HIP1: variants seen among roughly 807,000 people sequenced by gnomAD.
HIP1 encodes the protein huntingtin-interacting protein 1.
A neutral mutation model predicts 147.6 loss-of-function variants in HIP1; 65 were observed. The observed-to-expected ratio is 0.44, with a 90% CI of 0.36 to 0.54. The LOEUF is 0.54. Ranked by LOEUF, HIP1 falls within the 20% of genes least tolerant of loss-of-function variation. The probability of loss-of-function intolerance (pLI) is 0.00; values close to 1 mark genes in which losing one functional copy is unlikely to be tolerated. For synonymous variants in HIP1, 479 were observed against 504.0 expected, an observed-to-expected ratio of 0.95 and a Z score of 0.67; for missense variants, 1,061 against 1,299.6, an observed-to-expected ratio of 0.82 and a Z score of 2.82.
At position 75,636,626 on chromosome 7, in the gene HIP1, C is replaced by T. The variant is rs587599516; in HGVS notation, c.121-37379G>A. Among the ~76,000 whole-genome samples the T allele has an allele frequency of 2.0e-5, 3 of 152,316 alleles. No homozygotes were observed. In the South Asian group the frequency reaches 6.2e-4, roughly 32 times the overall value. On this transcript the variant is annotated intron_variant, in intron 1 of 30. Coordinates refer to ENST00000336926, the MANE Select transcript of HIP1 (RefSeq NM_005338.7). ...CCCAGGGTGGGTAAGGTTCTCCTTG[C>T]TACACAGGCACAGGTCTGTGCTCTT...
At chr7:75,610,820 T>G (rs59704579) in intron 1 of HIP1, among the ~76,000 whole-genome samples, 26,461 of 149,338 alleles carry the variant, frequency 0.18, 4,410 homozygotes, top group African/African-American at 0.44. Flanking sequence ...CTGGGCAACA[T>G]GGTAAGATCC....
intron 1 of HIP1, among the ~76,000 whole-genome samples, chr7:75,602,571 C>T (rs183244642): frequency 4.3e-5 from 6 of 140,200 alleles, no homozygotes; most frequent in East Asian, 2.1e-4. Flanking sequence ...GGCGTGACCT[C>T]GGCTCACTGC....
At chr7:75,638,742 C>T (rs540055305) in intron 1 of HIP1, among the ~76,000 whole-genome samples, 1 of 152,196 alleles carries the variant, frequency 6.6e-6, no homozygotes, top group East Asian at 1.9e-4. Flanking sequence ...CGCTGCCCTC[C>T]CTCCCGTCCG....
At chr7:75,646,839 G>C (rs1258180974) in intron 1 of HIP1, among the ~76,000 whole-genome samples, 2 of 152,136 alleles carry the variant, frequency 1.3e-5, no homozygotes, top group Non-Finnish European at 2.9e-5. Flanking sequence ...GATGAGGTGA[G>C]GCCTGCAGTG....
At chr7:75,607,861 C>T (rs1270865602) in intron 1 of HIP1, among the ~76,000 whole-genome samples, 2 of 152,164 alleles carry the variant, frequency 1.3e-5, no homozygotes, top group Non-Finnish European at 2.9e-5. Context: ...AGGCCCTCTA[C>T]ACCACAGAGA....
intron 1 of HIP1, among the ~76,000 whole-genome samples, chr7:75,736,401 A>C (rs1802021832): frequency 6.6e-6 from 1 of 150,922 alleles, no homozygotes; most frequent in South Asian, 2.1e-4. Flanking sequence ...ATATCTATTT[A>C]TTTTCTTATT....
chr7:75,648,174 TG>T (rs1798863781), intron 1 of HIP1, among the ~76,000 whole-genome samples: 1 of 152,102 alleles, frequency 6.6e-6, no homozygotes, highest in South Asian at 2.1e-4. Context: ...TAGCTGAGGC[TG>T]GTTGGAGTAG....
chr7:75,546,792 C>T (rs1794580451), intron 25 of HIP1, 147 bp downstream of exon 25: 5 of 613,688 alleles, frequency 8.1e-6, no homozygotes, highest in Non-Finnish European at 1.4e-5. Context: ...TGACTTCTCC[C>T]CAGGGCCTCT....
chr7:75,589,235 T>C (rs1310635995), intron 4 of HIP1, among the ~76,000 whole-genome samples: 1 of 151,638 alleles, frequency 6.6e-6, no homozygotes, highest in East Asian at 1.9e-4. Flanking sequence ...AGAAGCTTAA[T>C]AACACATTAG....
At chr7:75,717,676 C>CAAAAAA (rs55982331) in intron 1 of HIP1, among the ~76,000 whole-genome samples, 1 of 117,742 alleles carries the variant, frequency 8.5e-6, no homozygotes, top group African/African-American at 3.5e-5. Context: ...ACTAAAAATA[C>CAAAAAA]AAAAAAAAAA....
rs1554490729 is a variant in HIP1 at position 75,545,080 on chromosome 7, A to G, written c.2660+8T>C. The G allele has an allele frequency of 1.3e-6, 2 of 1,544,730 alleles. No homozygotes were observed. Among genetic ancestry groups the G allele is most frequent in the Non-Finnish European group, 1.8e-6 (2 of 1,126,240 alleles). On this transcript the variant is annotated splice_region_variant and intron_variant, in intron 26 of 30. Transcript: ENST00000336926. ...ATGGGAGGACCCTTGGTACCAATAG[A>G]TACTTACACCATGACAGTGGCTCCC...
intron 1 of HIP1, among the ~76,000 whole-genome samples, chr7:75,674,742 C>T (rs948962455): frequency 1.3e-5 from 2 of 151,776 alleles, no homozygotes; most frequent in African/African-American, 2.4e-5. Flanking sequence ...CCACATGCCT[C>T]GGCCTCCCAA....
intron 1 of HIP1, among the ~76,000 whole-genome samples, chr7:75,604,622 T>C (rs973251189): frequency 6.6e-6 from 1 of 151,584 alleles, no homozygotes; most frequent in Non-Finnish European, 1.5e-5. Flanking sequence ...TGAGCTGAGA[T>C]TGCATCACTA....
Position 75,604,107 on chromosome 7 carries a change from A to G in HIP1, c.121-4860T>C, listed in dbSNP as rs587675771. 2.0e-5 allele frequency among the ~76,000 whole-genome samples: 3 copies of G among 152,260 alleles called. No homozygotes were observed. The South Asian group carries it at 6.2e-4, about 32-fold the overall frequency. ...TAAACTATGTTCTTCCCCTGGCACC[A>G]TAGGCCAGGGGCACCATGACATAGG... On this transcript the variant is annotated intron_variant, in intron 1 of 30. Transcript: ENST00000336926.
At chr7:75,682,018 CTTTTTTTTTTTT>C (rs71098063) in intron 1 of HIP1, among the ~76,000 whole-genome samples, 5 of 84,214 alleles carry the variant, frequency 5.9e-5, no homozygotes, top group East Asian at 6.8e-4. Context: ...GCAACAACCT[CTTTTTTTTTTTT>C]TTTTTTTTTT....
intron 1 of HIP1, among the ~76,000 whole-genome samples, chr7:75,651,049 G>A (rs1554511880): frequency 1.3e-5 from 2 of 152,026 alleles, no homozygotes; most frequent in African/African-American, 4.8e-5. Context: ...ATTTCTTTTT[G>A]AGAGCCACGA....
intron 1 of HIP1, among the ~76,000 whole-genome samples, chr7:75,682,616 C>A (rs1800129045): frequency 6.7e-6 from 1 of 149,484 alleles, no homozygotes; most frequent in Admixed American, 6.7e-5. Flanking sequence ...CAAAAAACAG[C>A]AGCCCAGAGG....
At position 75,676,743 on chromosome 7, in the gene HIP1, T is replaced by A. The variant is rs548673532; in HGVS notation, c.120+62058A>T. Among the ~76,000 whole-genome samples, 143 of 148,036 alleles carry A rather than the reference T, an allele frequency of 9.7e-4. 1 individual carries two copies. The highest frequency in any genetic ancestry group is 3.5e-3 in the African/African-American group (140 of 39,744). On this transcript the variant is annotated intron_variant, in intron 1 of 30. Coordinates refer to ENST00000336926, the MANE Select transcript of HIP1 (RefSeq NM_005338.7). ...GTGGGCCGAGATCGTGCCATTGCAC[T>A]CCAGCCTGGGCAAAAAGAATGAAAC...
intron 1 of HIP1, among the ~76,000 whole-genome samples, chr7:75,668,155 AT>A (rs1799617619): frequency 6.6e-6 from 1 of 152,216 alleles, no homozygotes; most frequent in African/African-American, 2.4e-5. Flanking sequence ...ATAATGGCTC[AT>A]AAACCCTTTT....
Sources: gnomAD v4.1 joint callset for allele counts (sites outside exome capture counted in the v4.1 genomes callset) on GRCh38, gnomAD v4.1.1 for gene constraint, MANE v1.5 for transcripts, NCBI Gene and HGNC (gene_info 2026-07-23, HGNC 2026-07-21) for gene names.